Variants in AKAP6 observed in about 807,000 individuals in gnomAD.
AKAP6 encodes the protein A-kinase anchor protein 6.
A neutral mutation model predicts 188.5 loss-of-function variants in AKAP6; 58 were observed. The ratio of observed to expected loss-of-function variants is 0.31; its 90% CI spans 0.25 to 0.38. The LOEUF (loss-of-function observed/expected upper bound fraction) is 0.38, where lower values mean the gene tolerates loss of function less well. Among genes scored for constraint, AKAP6 ranks in the 10% least tolerant of loss-of-function variants. The pLI, the probability that AKAP6 is intolerant of heterozygous loss-of-function variation, is 1.00. For missense variants in AKAP6, 2,710 were observed against 2,740.0 expected (o/e 0.99, Z 0.24); for synonymous variants, 989 against 998.6 (o/e 0.99, Z 0.18).
chr14:32,376,757 C>T (rs756845218), intron 1 of AKAP6, among the ~76,000 whole-genome samples: 29 of 152,098 alleles, frequency 1.9e-4, no homozygotes, highest in African/African-American at 5.6e-4. Flanking sequence ...AGTGCAGTGG[C>T]GCCATCTCGG....
chr14:32,798,078 G>A (rs1212166466), intron 12 of AKAP6, among the ~76,000 whole-genome samples: 5 of 152,070 alleles, frequency 3.3e-5, no homozygotes, highest in African/African-American at 7.2e-5. Context: ...TAAAAAATGA[G>A]CAAAGGACAT....
intron 4 of AKAP6, among the ~76,000 whole-genome samples, chr14:32,566,889 C>T (rs1021798533): frequency 2.0e-5 from 3 of 152,096 alleles, no homozygotes; most frequent in African/African-American, 7.2e-5. Context: ...TCTGGCTCAG[C>T]TACCTACTGG....
intron 5 of AKAP6, among the ~76,000 whole-genome samples, chr14:32,594,931 C>G (rs1286475455): frequency 1.3e-5 from 2 of 152,090 alleles, no homozygotes; most frequent in African/African-American, 4.8e-5. Context: ...GACTAATAAC[C>G]TCTGGTATTT....
At chr14:32,464,115 C>CA (rs1003177861) in intron 2 of AKAP6, among the ~76,000 whole-genome samples, 2 of 151,892 alleles carry the variant, frequency 1.3e-5, no homozygotes, top group African/African-American at 4.8e-5. Flanking sequence ...GCCTACCAAC[C>CA]AAAAAAAGCC....
chr14:32,399,381 C>A (rs1386571632), intron 1 of AKAP6, among the ~76,000 whole-genome samples: 1 of 152,116 alleles, frequency 6.6e-6, no homozygotes, highest in African/African-American at 2.4e-5. Context: ...TTCTGCAGAT[C>A]AAGAGGTTTC....
intron 9 of AKAP6, chr14:32,718,420 C>A: frequency 1.5e-6 from 1 of 650,318 alleles, no homozygotes; most frequent in Non-Finnish European, 1.9e-6. Context: ...CCCAAGGGGT[C>A]AGGGGATGGG....
At chr14:32,600,226 A>G (rs1885867219) in intron 6 of AKAP6, among the ~76,000 whole-genome samples, 1 of 152,200 alleles carries the variant, frequency 6.6e-6, no homozygotes, top group African/African-American at 2.4e-5. Flanking sequence ...TGTATTTCTC[A>G]TTGAATTGAC....
chr14:32,819,367 TAG>T (rs1211034959), intron 12 of AKAP6, among the ~76,000 whole-genome samples: 1 of 152,166 alleles, frequency 6.6e-6, no homozygotes, highest in Non-Finnish European at 1.5e-5. Context: ...GAGGGCTTCT[TAG>T]GAAAGTTTGC....
intron 12 of AKAP6, among the ~76,000 whole-genome samples, chr14:32,815,423 A>G (rs77269497): frequency 6.0e-4 from 92 of 152,304 alleles, no homozygotes; most frequent in African/African-American, 2.1e-3. Flanking sequence ...ATTTCAGACA[A>G]TGGACTTGCC....
intron 8 of AKAP6, among the ~76,000 whole-genome samples, chr14:32,686,951 G>A (rs766668117): frequency 3.3e-5 from 5 of 152,078 alleles, no homozygotes; most frequent in African/African-American, 2.4e-5. Context: ...GAGAACACAG[G>A]AATAGTTCAT....
intron 2 of AKAP6, among the ~76,000 whole-genome samples, chr14:32,488,567 C>T (rs1158288373): frequency 1.3e-5 from 2 of 152,118 alleles, no homozygotes; most frequent in Non-Finnish European, 2.9e-5. Context: ...GTTCCAGGCA[C>T]CACTGGGATA....
At chr14:32,540,168 C>CTCTCTCTCTCTCTA (rs1240063339) in intron 3 of AKAP6, among the ~76,000 whole-genome samples, 11 of 60,922 alleles carry the variant, frequency 1.8e-4, no homozygotes, top group African/African-American at 9.8e-4. Flanking sequence ...CTCTCTCTCT[C>CTCTCTCTCTCTCTA]TATATATATA....
chr14:32,510,402 ATG>A (rs1555335122), intron 2 of AKAP6, among the ~76,000 whole-genome samples: 4 of 129,156 alleles, frequency 3.1e-5, no homozygotes, highest in East Asian at 2.2e-4. Flanking sequence ...GTGTATATAT[ATG>A]TATATATATG....
chr14:32,742,327 C>A (rs1196874921), intron 11 of AKAP6, among the ~76,000 whole-genome samples: 9 of 137,390 alleles, frequency 6.6e-5, no homozygotes, highest in Admixed American at 5.4e-4. Context: ...TTTTTATTTC[C>A]TTGATCTTTT....
rs1250014832 is a variant in AKAP6, at chr14:32,432,140, A to T, written c.-34-1320A>T. Among the ~76,000 whole-genome samples, 9 of 152,124 alleles carry T rather than the reference A, an allele frequency of 5.9e-5. No homozygotes were observed. The East Asian group carries it at 1.7e-3, about 29-fold the overall frequency. On this transcript the variant is annotated intron_variant, in intron 1 of 13. Coordinates refer to ENST00000280979, the MANE Select transcript of AKAP6 (RefSeq NM_004274.5). ...CAATCACATTTAATTTCTGATCTTT[A>T]GGTCAGTCACCTTTCATCTTTGGGG...
At chr14:32,549,799 A>T (rs1883371917) in intron 4 of AKAP6, among the ~76,000 whole-genome samples, 1 of 152,240 alleles carries the variant, frequency 6.6e-6, no homozygotes, top group African/African-American at 2.4e-5. Flanking sequence ...CAAAGCCAGG[A>T]TTTGAACCCA....
At chr14:32,334,716 A>G (rs1207307385) in intron 1 of AKAP6, among the ~76,000 whole-genome samples, 2 of 152,200 alleles carry the variant, frequency 1.3e-5, no homozygotes, top group African/African-American at 4.8e-5. Context: ...GTTTGAATTA[A>G]TAAGGCATAC....
At chr14:32,365,488 AT>A (rs560179747) in intron 1 of AKAP6, among the ~76,000 whole-genome samples, 9 of 152,228 alleles carry the variant, frequency 5.9e-5, no homozygotes, top group African/African-American at 1.7e-4. Flanking sequence ...TTGGGTGGTC[AT>A]TTAATCCTCT....
Position 32,735,842 on chromosome 14 carries a change from A to G in AKAP6, c.3332A>G (p.Glu1111Gly). The G allele has an allele frequency of 6.2e-7, 1 of 1,613,166 alleles. No individual in the cohort carries two copies. The highest frequency in any genetic ancestry group is 8.5e-7 in the Non-Finnish European group (1 of 1,179,542). ...AATTCCTGTCTGAGACAAGAAAAGG[A>G]AGGAACAATGAATACTGAGAAACAA... Reference protein sequence around the residue: ...IFNSCLRQEKEGTMNTEKQLQ... With the variant: ...IFNSCLRQEKGGTMNTEKQLQ... The change falls in exon 11 of 14, where the codon GAA becomes GGA. Residue 1111 changes from glutamate to glycine, a missense_variant. Physicochemically the swap from Glu to Gly is moderately conservative, Grantham distance 98. Coordinates refer to ENST00000280979, the MANE Select transcript of AKAP6 (RefSeq NM_004274.5).
Sources: gnomAD v4.1 joint callset for allele counts (sites outside exome capture counted in the v4.1 genomes callset) on GRCh38, gnomAD v4.1.1 for gene constraint, MANE v1.5 for transcripts, NCBI Gene and HGNC (gene_info 2026-07-23, HGNC 2026-07-21) for gene names.